Variants in PROKR1 observed in about 807,000 individuals in gnomAD.
PROKR1 encodes prokineticin receptor 1.
Under a neutral mutation model 22.8 loss-of-function variants are expected in PROKR1, and 21 were observed. The observed-to-expected ratio is 0.92, with a 90% CI of 0.65 to 1.32. PROKR1 has a LOEUF of 1.32. PROKR1 is among the 40% of genes most tolerant of loss of function. The pLI is 0.00. For missense variants in PROKR1, 548 were observed against 514.2 expected (o/e 1.07, Z -0.64); for synonymous variants, 193 against 207.5 (o/e 0.93, Z 0.60).
In PROKR1 at chr2:68,655,379, T is replaced by G. The variant is rs1474356693; in HGVS notation, c.985T>G (p.Cys329Gly). The G allele has an allele frequency of 6.2e-7, 1 of 1,614,160 alleles. No homozygotes were observed. The part of the protein sequence containing the change: ...HYLTAFYIVE[C>G]IAMSNSMINT... ...CCTCACTGCCTTCTACATCGTCGAG[T>G]GCATCGCCATGAGCAACAGCATGAT... The change falls in exon 3 of 3, where the codon TGC becomes GGC. Residue 329 changes from cysteine to glycine, a missense_variant. Transcript: ENST00000303786.
chr2:68,651,274 G>A (rs1673319582), intron 2 of PROKR1, among the ~76,000 whole-genome samples: 1 of 152,088 alleles, frequency 6.6e-6, no homozygotes, highest in Non-Finnish European at 1.5e-5. Context: ...GGGGTGGGAG[G>A]AACCCTTGGG....
intron 2 of PROKR1, among the ~76,000 whole-genome samples, chr2:68,651,203 G>T (rs1419914988): frequency 6.7e-6 from 1 of 150,048 alleles, no homozygotes; most frequent in Non-Finnish European, 1.5e-5. Flanking sequence ...CTCTACAAAA[G>T]AAAAAAAAAA....
chr2:68,650,794 C>T (rs777268045), intron 2 of PROKR1, among the ~76,000 whole-genome samples: 23 of 152,044 alleles, frequency 1.5e-4, no homozygotes, highest in East Asian at 5.8e-4. Context: ...CATTTTGTGC[C>T]GGAGTAGTCA....
rs751078222 is a variant in PROKR1, at chr2:68,645,912, A to G, written c.91A>G (p.Thr31Ala). 20 of 1,614,138 alleles carry G rather than the reference A, an allele frequency of 1.2e-5. No homozygotes were observed. In the South Asian group the frequency reaches 2.0e-4, roughly 16 times the overall value. ...SVLNPHGAHATSFPFNFSYSD... is the reference protein window; with the variant it reads ...SVLNPHGAHAASFPFNFSYSD... Reference sequence around the variant, plus strand: ...GCTCAACCCTCATGGAGCCCATGCCACTTCCTTCCCATTCAACTTCAGCTA... The same window carrying G: ...GCTCAACCCTCATGGAGCCCATGCCGCTTCCTTCCCATTCAACTTCAGCTA... The change falls in exon 2 of 3, where the codon ACT (threonine) becomes GCT (alanine). Residue 31 changes from threonine (T) to alanine (A), a missense_variant. Physicochemically the swap from Thr to Ala is moderately conservative, Grantham distance 58 (BLOSUM62 0). Transcript: ENST00000303786.
intron 1 of PROKR1, among the ~76,000 whole-genome samples, chr2:68,644,524 A>C (rs1474233561): frequency 6.6e-6 from 1 of 152,166 alleles, no homozygotes; most frequent in Non-Finnish European, 1.5e-5. Context: ...GAGGGACTTT[A>C]AACTTGGCCC....
At position 68,655,118 on chromosome 2, in the gene PROKR1, G is replaced by A; in HGVS notation, c.724G>A (p.Val242Met). The change falls in exon 3 of 3, where the codon GTG (valine) becomes ATG (methionine). Residue 242 changes from valine (V) to methionine (M), a missense_variant. Coordinates refer to ENST00000303786, the MANE Select transcript of PROKR1 (RefSeq NM_138964.4). Reference sequence around the variant, plus strand: ...CCTCTTTATCTTTGGCATAGAATTCGTGGGCCCCGTGGTCACCATGACCCT... The same window carrying A: ...CCTCTTTATCTTTGGCATAGAATTCATGGGCCCCGTGGTCACCATGACCCT... ...YFLFIFGIEFVGPVVTMTLCY... is the reference protein window; with the variant it reads ...YFLFIFGIEFMGPVVTMTLCY... 6.2e-7 allele frequency: 1 copy of A among 1,614,112 alleles called. No individual in the cohort carries two copies. Among genetic ancestry groups the A allele is most frequent in the Non-Finnish European group, 8.5e-7 (1 of 1,180,030 alleles).
intron 2 of PROKR1, among the ~76,000 whole-genome samples, chr2:68,648,637 T>A (rs1673241448): frequency 6.6e-6 from 1 of 152,204 alleles, no homozygotes. Flanking sequence ...TATGTGTTGT[T>A]ACCATCTAAT....
In PROKR1 at chr2:68,655,352, T is replaced by A. The variant is rs1330849849; in HGVS notation, c.958T>A (p.Tyr320Asn). Residue 320 changes from tyrosine to asparagine, a missense_variant, in exon 3 of 3, where the codon TAC becomes AAC. Physicochemically the swap from Tyr to Asn is moderately radical, Grantham distance 143. Coordinates refer to ENST00000303786, the MANE Select transcript of PROKR1 (RefSeq NM_138964.4). ...CACCGTGTTTGTGAAGGAGAAGCAC[T>A]ACCTCACTGCCTTCTACATCGTCGA... Reference protein sequence around the residue: ...FPTVFVKEKHYLTAFYIVECI... With the variant: ...FPTVFVKEKHNLTAFYIVECI... 1.9e-6 allele frequency: 3 copies of A among 1,614,092 alleles called. No homozygotes were observed. Among genetic ancestry groups the A allele is most frequent in the African/African-American group, 1.3e-5 (1 of 74,956 alleles).
rs185284637 is a variant in PROKR1, at chr2:68,649,886, A to T, written c.485+3580A>T. On this transcript the variant is annotated intron_variant, in intron 2 of 2. Coordinates refer to ENST00000303786, the MANE Select transcript of PROKR1 (RefSeq NM_138964.4). The stretch of plus-strand genomic sequence containing the variant: ...AACAGAGGAACAGAGAGAAGCCTCC[A>T]TGTGGCCCGAGGGAAGTAAGCAAGG... 9.2e-5 allele frequency among the ~76,000 whole-genome samples: 14 copies of T among 152,260 alleles called. No homozygotes were observed. In the East Asian group the frequency reaches 2.7e-3, roughly 30 times the overall value.
chr2:68,655,672 T>G lies in PROKR1; in HGVS notation c.*96T>G. On this transcript the variant is annotated 3_prime_UTR_variant, in exon 3 of 3. Coordinates refer to ENST00000303786, the MANE Select transcript of PROKR1 (RefSeq NM_138964.4). Reference sequence around the variant, plus strand: ...CATCAACCTGGAACTTTTTGTTTGCTGCAGAGGGTAAAGTAAATGGACCAC... The same window carrying G: ...CATCAACCTGGAACTTTTTGTTTGCGGCAGAGGGTAAAGTAAATGGACCAC... 8.1e-7 allele frequency: 1 copy of G among 1,234,980 alleles called. No homozygotes were observed. The highest frequency in any genetic ancestry group is 1.2e-6 in the Non-Finnish European group (1 of 866,660). The allele number at this position is 1,234,980 out of a possible 1,614,324, so 76.5% of individuals were successfully genotyped here.
intron 2 of PROKR1, among the ~76,000 whole-genome samples, chr2:68,650,784 C>T (rs1020548995): frequency 6.6e-6 from 1 of 152,074 alleles, no homozygotes; most frequent in South Asian, 2.1e-4. Flanking sequence ...AGGGTGAGAT[C>T]ATTTTGTGCC....
chr2:68,649,871 C>G (rs1009841975), intron 2 of PROKR1, among the ~76,000 whole-genome samples: 3 of 152,104 alleles, frequency 2.0e-5, no homozygotes, highest in African/African-American at 7.2e-5. Flanking sequence ...AACAGAGGAA[C>G]AGAGAGAAGC....
intron 2 of PROKR1, among the ~76,000 whole-genome samples, chr2:68,648,647 T>C (rs1012089669): frequency 3.3e-5 from 5 of 152,234 alleles, no homozygotes; most frequent in Non-Finnish European, 5.9e-5. Context: ...TACCATCTAA[T>C]TGTGGTCTAG....
rs1331702005 is a variant in PROKR1, at chr2:68,645,813, C to T, written c.-9C>T. On this transcript the variant is annotated 5_prime_UTR_variant, in exon 2 of 3. Transcript: ENST00000303786. The stretch of plus-strand genomic sequence containing the variant: ...CTGAGCAGTGTTGCTCACAGCACCA[C>T]CTGGCCAGATGGAGACCACCATGGG... The T allele has an allele frequency of 2.5e-6, 4 of 1,614,096 alleles. No homozygotes were observed. The highest frequency in any genetic ancestry group is 3.4e-6 in the Non-Finnish European group (4 of 1,180,052).
intron 2 of PROKR1, among the ~76,000 whole-genome samples, chr2:68,654,000 G>A (rs1673390590): frequency 6.6e-6 from 1 of 152,172 alleles, no homozygotes; most frequent in Admixed American, 6.5e-5. Context: ...GTGACCTTGA[G>A]AAAGTCACTC....
In PROKR1 at chr2:68,645,812, A is replaced by G. The variant is rs560022904; in HGVS notation, c.-10A>G. 159 of 1,614,028 alleles carry G rather than the reference A, an allele frequency of 9.9e-5. No homozygotes were observed. Among genetic ancestry groups the G allele is most frequent in the Non-Finnish European group, 1.3e-4 (156 of 1,180,034 alleles). ...TCTGAGCAGTGTTGCTCACAGCACCACCTGGCCAGATGGAGACCACCATGG... is the reference window on the plus strand; with the variant it reads ...TCTGAGCAGTGTTGCTCACAGCACCGCCTGGCCAGATGGAGACCACCATGG... On this transcript the variant is annotated 5_prime_UTR_variant, in exon 2 of 3. Coordinates refer to ENST00000303786, the MANE Select transcript of PROKR1 (RefSeq NM_138964.4).
chr2:68,652,200 T>C (rs1057017569), intron 2 of PROKR1, among the ~76,000 whole-genome samples: 1 of 152,218 alleles, frequency 6.6e-6, no homozygotes, highest in Non-Finnish European at 1.5e-5. Flanking sequence ...CTCAGTTTTC[T>C]CATCTATAGA....
chr2:68,654,262 A>G (rs973289910), intron 2 of PROKR1, among the ~76,000 whole-genome samples: 1 of 152,158 alleles, frequency 6.6e-6, no homozygotes, highest in Non-Finnish European at 1.5e-5. Flanking sequence ...CAGGCTAGAA[A>G]CCGATGGGAG....
Position 68,654,870 on chromosome 2 carries a change from C to T in PROKR1, c.486-10C>T, listed in dbSNP as rs748786762. ...CACAGTGGCTGCCTCCACTTGTGTT[C>T]TTGCCCTAGGTATCTGGCTATTGTC... On this transcript the variant is annotated splice_polypyrimidine_tract_variant and intron_variant, in intron 2 of 2. Coordinates refer to ENST00000303786, the MANE Select transcript of PROKR1 (RefSeq NM_138964.4). 3 of 1,597,990 alleles carry T rather than the reference C, an allele frequency of 1.9e-6. No homozygotes were observed. The highest frequency in any genetic ancestry group is 2.2e-5 in the South Asian group (2 of 90,704).
Sources: gnomAD v4.1 joint callset for allele counts (sites outside exome capture counted in the v4.1 genomes callset) on GRCh38, gnomAD v4.1.1 for gene constraint, MANE v1.5 for transcripts, NCBI Gene and HGNC (gene_info 2026-07-23, HGNC 2026-07-21) for gene names.